TPH2: variants seen among roughly 807,000 people sequenced by gnomAD.
TPH2 encodes tryptophan hydroxylase 2.
A neutral mutation model predicts 59.1 loss-of-function variants in TPH2; 27 were observed. That is an observed-to-expected ratio of 0.46 (90% CI 0.34 to 0.63). The LOEUF (loss-of-function observed/expected upper bound fraction) is 0.63. Among genes scored for constraint, TPH2 ranks in the 30% least tolerant of loss-of-function variants. TPH2 has a pLI of 0.01. For synonymous variants in TPH2, 220 were observed against 210.5 expected, an observed-to-expected ratio of 1.05 and a Z score of -0.39; for missense variants, 523 against 588.3, an observed-to-expected ratio of 0.89 and a Z score of 1.15.
At chr12:71,962,623 A>G in intron 5 of TPH2, 1 of 985,284 alleles carries the variant, frequency 1.0e-6, no homozygotes. Flanking sequence ...TACCTGCCAG[A>G]CTCTCTGAGG....
chr12:71,968,856 G>T (rs1871889760), intron 5 of TPH2, among the ~76,000 whole-genome samples: 2 of 152,198 alleles, frequency 1.3e-5, no homozygotes, highest in African/African-American at 4.8e-5. Flanking sequence ...GGAGATGGTT[G>T]GCTTCAGCTG....
At chr12:72,026,235 A>C (rs1346365731) in intron 9 of TPH2, among the ~76,000 whole-genome samples, 1 of 151,684 alleles carries the variant, frequency 6.6e-6, no homozygotes, top group Admixed American at 6.6e-5. Context: ...ACCCCATAGT[A>C]GTTGCTGACA....
At chr12:71,980,305 G>A (rs943341055) in intron 7 of TPH2, among the ~76,000 whole-genome samples, 1 of 152,130 alleles carries the variant, frequency 6.6e-6, no homozygotes, top group African/African-American at 2.4e-5. Context: ...TTATGATGCT[G>A]CTTTACTTGA....
chr12:72,030,371 A>G (rs1873688123), intron 9 of TPH2, among the ~76,000 whole-genome samples: 1 of 152,164 alleles, frequency 6.6e-6, no homozygotes, highest in African/African-American at 2.4e-5. Context: ...TAAGCTCCTC[A>G]GTGATTCTTA....
chr12:71,974,383 G>A (rs185786117), intron 6 of TPH2, among the ~76,000 whole-genome samples: 102 of 152,242 alleles, frequency 6.7e-4, no homozygotes, highest in African/African-American at 2.1e-3. Context: ...CATTCCTTCT[G>A]GTGGCTTCTG....
intron 8 of TPH2, among the ~76,000 whole-genome samples, chr12:72,019,556 G>C (rs898795862): frequency 3.3e-5 from 5 of 152,114 alleles, no homozygotes; most frequent in African/African-American, 1.2e-4. Context: ...AGCTGTCTCT[G>C]ACCCTTTTTC....
intron 4 of TPH2, among the ~76,000 whole-genome samples, chr12:71,947,900 C>T (rs758156452): frequency 1.3e-5 from 2 of 152,146 alleles, no homozygotes; most frequent in Admixed American, 6.5e-5. Context: ...ATTATGATGC[C>T]GTTACCATGG....
chr12:72,007,919 T>C (rs1872998372), intron 8 of TPH2, among the ~76,000 whole-genome samples: 1 of 152,200 alleles, frequency 6.6e-6, no homozygotes, highest in African/African-American at 2.4e-5. Flanking sequence ...TAAATATCTT[T>C]TCCACAGCGC....
Position 71,998,332 on chromosome 12 carries a change from A to T in TPH2, c.1068+3767A>T, listed in dbSNP as rs938323653. Among the ~76,000 whole-genome samples the T allele has an allele frequency of 2.0e-5, 3 of 152,142 alleles. No individual in the cohort carries two copies. In the South Asian group the frequency reaches 6.2e-4, roughly 32 times the overall value. ...GCAGACCAAAGAGAAATTTGGAAGG[A>T]TTTTTCTGTATGATGTGGAGAGTAT... On this transcript the variant is annotated intron_variant, in intron 8 of 10. Transcript: ENST00000333850.
At chr12:71,955,665 C>T (rs1353685707) in intron 5 of TPH2, among the ~76,000 whole-genome samples, 2 of 152,028 alleles carry the variant, frequency 1.3e-5, no homozygotes, top group Non-Finnish European at 2.9e-5. Context: ...ATTACATGAG[C>T]GAATATAGTA....
chr12:71,987,488 ATAAG>A (rs1396900475), intron 7 of TPH2, among the ~76,000 whole-genome samples: 1 of 152,216 alleles, frequency 6.6e-6, no homozygotes, highest in Non-Finnish European at 1.5e-5. Context: ...ATTTAATATA[ATAAG>A]TAATAATACC....
At chr12:72,016,429 C>T (rs1221421360) in intron 8 of TPH2, among the ~76,000 whole-genome samples, 1 of 152,064 alleles carries the variant, frequency 6.6e-6, no homozygotes, top group Non-Finnish European at 1.5e-5. Flanking sequence ...AGCTACGTAA[C>T]TAAGCTTTGT....
intron 8 of TPH2, among the ~76,000 whole-genome samples, chr12:72,011,854 C>T (rs1873107140): frequency 1.3e-5 from 2 of 152,186 alleles, no homozygotes; most frequent in South Asian, 4.1e-4. Context: ...TGGTTCCACC[C>T]TTCCTCACTG....
intron 9 of TPH2, among the ~76,000 whole-genome samples, chr12:72,026,404 T>G (rs898443570): frequency 3.3e-5 from 5 of 152,214 alleles, no homozygotes; most frequent in Admixed American, 2.6e-4. Flanking sequence ...TGAATGGCTA[T>G]TCTCAGAATA....
chr12:71,973,418 A>G (rs1872028699), intron 6 of TPH2, among the ~76,000 whole-genome samples: 1 of 152,222 alleles, frequency 6.6e-6, no homozygotes. Context: ...AGGCATTGGC[A>G]TGCTAAAAGA....
At chr12:72,017,786 T>C (rs1251667440) in intron 8 of TPH2, among the ~76,000 whole-genome samples, 1 of 152,226 alleles carries the variant, frequency 6.6e-6, no homozygotes, top group Non-Finnish European at 1.5e-5. Flanking sequence ...TAAACGTTCA[T>C]GAAGCAATTA....
At chr12:71,949,034 A>G (rs1297411554) in intron 4 of TPH2, among the ~76,000 whole-genome samples, 1 of 152,226 alleles carries the variant, frequency 6.6e-6, no homozygotes, top group African/African-American at 2.4e-5. Flanking sequence ...TGTCCTGTGC[A>G]TGAATTCCCT....
At chr12:71,994,339 T>C in intron 7 of TPH2, 100 bp from the exon 8 acceptor site, 1 of 1,304,536 alleles carries the variant, frequency 7.7e-7, no homozygotes, top group Non-Finnish European at 1.1e-6. Context: ...AACTAATTAA[T>C]TACAGTGACA....
At position 71,951,367 on chromosome 12, in the gene TPH2, T is replaced by C. The variant is rs1194770772; in HGVS notation, c.608+1712T>C. ...GAGGGGGTGTGGGCAGGGCAGTTCT[T>C]TGTAGCATGACCAGCCAGAACATGG... On this transcript the variant is annotated intron_variant, in intron 5 of 10. Transcript: ENST00000333850. 2.0e-5 allele frequency among the ~76,000 whole-genome samples: 3 copies of C among 152,074 alleles called. No homozygotes were observed. The East Asian group carries it at 5.8e-4, about 29-fold the overall frequency.
Sources: gnomAD v4.1 joint callset for allele counts (sites outside exome capture counted in the v4.1 genomes callset) on GRCh38, gnomAD v4.1.1 for gene constraint, MANE v1.5 for transcripts, NCBI Gene and HGNC (gene_info 2026-07-23, HGNC 2026-07-21) for gene names.